MDFIC: variants seen among roughly 807,000 people sequenced by gnomAD.
The protein encoded by MDFIC is myoD family inhibitor domain-containing protein.
A neutral mutation model predicts 23.2 loss-of-function variants in MDFIC; 17 were observed. The ratio of observed to expected loss-of-function variants is 0.73; its 90% CI spans 0.50 to 1.10. The LOEUF is 1.10. MDFIC is among the 50% of genes least tolerant of loss of function. The probability of loss-of-function intolerance (pLI) is 0.00; values close to 1 mark genes in which losing one functional copy is unlikely to be tolerated. For missense variants in MDFIC, 356 were observed against 316.6 expected (o/e 1.12, Z -0.95); for synonymous variants, 120 against 115.2 (o/e 1.04, Z -0.27).
intron 2 of MDFIC, among the ~76,000 whole-genome samples, chr7:114,941,522 A>G (rs1055962883): frequency 8.5e-5 from 13 of 152,118 alleles, no homozygotes; most frequent in African/African-American, 3.1e-4. Flanking sequence ...AGTCCATCCA[A>G]CATGTATCAT....
chr7:114,966,077 G>C (rs375527236), intron 3 of MDFIC, among the ~76,000 whole-genome samples: 1 of 152,200 alleles, frequency 6.6e-6, no homozygotes, highest in East Asian at 1.9e-4. Flanking sequence ...TGTTTCACAT[G>C]TTTGCCAGAT....
chr7:114,992,397 G>A (rs1181789041), intron 4 of MDFIC, among the ~76,000 whole-genome samples: 1 of 152,158 alleles, frequency 6.6e-6, no homozygotes, highest in African/African-American at 2.4e-5. Context: ...TTGAATAGGA[G>A]TGGTGAGAGA....
Position 115,016,029 on chromosome 7 carries a change from C to A in MDFIC, c.*94C>A. On this transcript the variant is annotated 3_prime_UTR_variant, in exon 5 of 5. Transcript: ENST00000393486. ...ACATTGTAAGATTCTCATGAAACAA[C>A]ATGGAATTTGCACTGTTAACTCATT... 7.6e-7 allele frequency: 1 copy of A among 1,315,074 alleles called. No homozygotes were observed. Among genetic ancestry groups the A allele is most frequent in the Non-Finnish European group, 1.0e-6 (1 of 957,912 alleles). 81.5% of individuals were successfully genotyped at this position (1,315,074 alleles called of 1,614,324 possible).
At chr7:114,933,976 G>T (rs1792378932) in intron 2 of MDFIC, 1 of 152,196 alleles carries the variant, frequency 6.6e-6, no homozygotes. Context: ...CTCTATCCCT[G>T]TAAGTATTCA....
At chr7:114,929,222 T>G (rs1792261530) in intron 2 of MDFIC, among the ~76,000 whole-genome samples, 1 of 151,456 alleles carries the variant, frequency 6.6e-6, no homozygotes, top group Non-Finnish European at 1.5e-5. Context: ...TTCTTCTGCC[T>G]CAGCCTCCTG....
At position 115,014,127 on chromosome 7, in the gene MDFIC, T is replaced by A. The variant is rs185587768; in HGVS notation, c.494-1561T>A. On this transcript the variant is annotated intron_variant, in intron 4 of 4. Coordinates refer to ENST00000393486, the MANE Select transcript of MDFIC (RefSeq NM_001166345.3). ...TTTTCACCATCTGCCAAGTGGAGTG[T>A]ATGACTTTGTGTTTCCACATTTTCT... 6 of 985,408 alleles carry A rather than the reference T, an allele frequency of 6.1e-6. No homozygotes were observed. In the Admixed American group the frequency reaches 3.7e-4, roughly 60 times the overall value. The allele number at this position is 985,408 out of a possible 1,614,324, so 61.0% of individuals were successfully genotyped here.
At chr7:114,952,513 T>C (rs1792797331) in intron 3 of MDFIC, among the ~76,000 whole-genome samples, 1 of 152,134 alleles carries the variant, frequency 6.6e-6, no homozygotes, top group Non-Finnish European at 1.5e-5. Context: ...CCCTGAGTTC[T>C]GCAGCAAGAT....
intron 4 of MDFIC, among the ~76,000 whole-genome samples, chr7:114,997,826 A>AAAAGAG (rs1319355808): frequency 6.6e-6 from 1 of 151,904 alleles, no homozygotes; most frequent in East Asian, 1.9e-4. Context: ...AAAAGAAAAG[A>AAAAGAG]AAAGAGAAAG....
chr7:115,016,068 T>C lies in MDFIC; in HGVS notation c.*133T>C. 1 of 900,562 alleles carries C rather than the reference T, an allele frequency of 1.1e-6. No individual in the cohort carries two copies. Among genetic ancestry groups the C allele is most frequent in the Middle Eastern group, 3.4e-4 (1 of 2,956 alleles). The allele number at this position is 900,562 out of a possible 1,614,324, so 55.8% of individuals were successfully genotyped here. A position where few individuals can be genotyped will look rare whatever the true frequency, so the allele number is the denominator to read the frequency against. On this transcript the variant is annotated 3_prime_UTR_variant, in exon 5 of 5. Coordinates refer to ENST00000393486, the MANE Select transcript of MDFIC (RefSeq NM_001166345.3). ...TGTTAACTCATTATTGTAAGTAATC[T>C]CTGAAAGCCTTTTTACTTTAACCAA... is the stretch of plus-strand genomic sequence containing the variant.
intron 3 of MDFIC, among the ~76,000 whole-genome samples, chr7:114,979,076 T>G (rs1463989848): frequency 6.6e-6 from 1 of 152,208 alleles, no homozygotes; most frequent in Admixed American, 6.5e-5. Flanking sequence ...ATCATTTCTT[T>G]CCTTTTATTT....
chr7:114,932,914 C>T (rs1585092414), intron 2 of MDFIC, among the ~76,000 whole-genome samples: 1 of 152,262 alleles, frequency 6.6e-6, no homozygotes, highest in African/African-American at 2.4e-5. Context: ...TTATTTGTGC[C>T]TTTGCCACTA....
chr7:114,939,850 C>T (rs1411317541), intron 2 of MDFIC, among the ~76,000 whole-genome samples: 1 of 152,208 alleles, frequency 6.6e-6, no homozygotes, highest in Non-Finnish European at 1.5e-5. Context: ...TTTCATTCAG[C>T]TTCAATTAAA....
chr7:114,936,327 A>G (rs532326957), intron 2 of MDFIC, among the ~76,000 whole-genome samples: 126 of 152,314 alleles, frequency 8.3e-4, no homozygotes, highest in African/African-American at 2.8e-3. Context: ...AAACTGTGGC[A>G]TGTACAGAAA....
Position 114,923,085 on chromosome 7 carries a change from G to C in MDFIC, c.52G>C (p.Val18Leu). 1 of 1,438,694 alleles carries C rather than the reference G, an allele frequency of 7.0e-7. No homozygotes were observed. The highest frequency in any genetic ancestry group is 9.1e-7 in the Non-Finnish European group (1 of 1,097,024). The allele number at this position is 1,438,694 out of a possible 1,614,324, so 89.1% of individuals were successfully genotyped here. The change falls in exon 2 of 5, where the codon GTG becomes CTG. Residue 18 changes from valine (V) to leucine (L), a missense_variant. Physicochemically the swap from Val to Leu is conservative, Grantham distance 32 (BLOSUM62 1). Coordinates refer to ENST00000393486, the MANE Select transcript of MDFIC (RefSeq NM_001166345.3). ...LAPGPVGPQRVAEAGGGQLGS... is the reference protein window; with the variant it reads ...LAPGPVGPQRLAEAGGGQLGS... Reference sequence around the variant, plus strand: ...TCCCGGGCCCGTGGGGCCGCAGCGCGTGGCCGAGGCGGGCGGCGGCCAGCT... The same window carrying C: ...TCCCGGGCCCGTGGGGCCGCAGCGCCTGGCCGAGGCGGGCGGCGGCCAGCT...
Position 115,016,197 on chromosome 7 carries a change from AATGTTAAATGCCTTCTCCTTTTTACCG to A in MDFIC, c.*265_*291del. The stretch of plus-strand genomic sequence containing the variant: ...GGACATTTTGACACCCCCCTTCCCA[AATGTTAAATGCCTTCTCCTTTTTACCG>A]ATATTTCTGTTTCTTTTAACCGTTC... On this transcript the variant is annotated 3_prime_UTR_variant, in exon 5 of 5. Transcript: ENST00000393486. The A allele has an allele frequency of 2.6e-6, 1 of 384,644 alleles. No individual in the cohort carries two copies. Among genetic ancestry groups the A allele is most frequent in the Non-Finnish European group, 4.7e-6 (1 of 213,054 alleles). 23.8% of individuals were successfully genotyped at this position (384,644 alleles called of 1,614,324 possible).
chr7:114,968,129 A>G (rs1793139738), intron 3 of MDFIC, among the ~76,000 whole-genome samples: 2 of 152,120 alleles, frequency 1.3e-5, no homozygotes, highest in South Asian at 4.1e-4. Flanking sequence ...AATCGTGTTA[A>G]TCTTGAAATG....
chr7:114,970,557 A>T (rs573581426), intron 3 of MDFIC, among the ~76,000 whole-genome samples: 1 of 152,142 alleles, frequency 6.6e-6, no homozygotes, highest in East Asian at 1.9e-4. Flanking sequence ...GCTTCCTGTC[A>T]CTAGCTGTAC....
intron 3 of MDFIC, among the ~76,000 whole-genome samples, chr7:114,971,228 C>T (rs758012575): frequency 5.3e-5 from 8 of 152,162 alleles, no homozygotes; most frequent in Non-Finnish European, 1.0e-4. Flanking sequence ...ATTTCAAGAA[C>T]TGATGAGCTG....
In MDFIC at chr7:115,017,917, G is replaced by A. The variant is rs557505340; in HGVS notation, c.*1982G>A. On this transcript the variant is annotated 3_prime_UTR_variant, in exon 5 of 5. Transcript: ENST00000393486. ...GAGAGGTTTTTAACCTGAAGCATGA[G>A]AATATATCACCTGTGGTTTTTCCTT... 6.6e-6 allele frequency: 1 copy of A among 151,962 alleles called. No individual in the cohort carries two copies. The highest frequency in any genetic ancestry group is 6.6e-5 in the Admixed American group (1 of 15,254). The allele number at this position is 151,962 out of a possible 1,614,324, so 9.4% of individuals were successfully genotyped here.
Sources: allele counts gnomAD v4.1 joint callset (sites outside exome capture counted in the v4.1 genomes callset), GRCh38; gene constraint gnomAD v4.1.1; transcripts MANE v1.5; gene names NCBI Gene and HGNC (gene_info 2026-07-23, HGNC 2026-07-21).